Variants in EXOC6B observed in about 807,000 individuals in gnomAD.
EXOC6B encodes SEC15 homolog B.
EXOC6B carries 54 observed loss-of-function variants against 113.5 expected under a neutral mutation model. The observed-to-expected ratio is 0.48, with a 90% CI of 0.38 to 0.60. EXOC6B has a LOEUF of 0.60. EXOC6B is among the 20% of genes least tolerant of loss of function. EXOC6B has a pLI of 0.00. For missense variants in EXOC6B, 797 were observed against 977.5 expected (o/e 0.82, Z 2.46); for synonymous variants, 357 against 339.0 (o/e 1.05, Z -0.58).
intron 1 of EXOC6B, among the ~76,000 whole-genome samples, chr2:72,758,262 A>G (rs1682558222): frequency 6.6e-6 from 1 of 152,050 alleles, no homozygotes; most frequent in South Asian, 2.1e-4. Context: ...TTCCACTGCA[A>G]CTACAGAACC....
chr2:72,518,150 C>T (rs1051557109), intron 8 of EXOC6B, among the ~76,000 whole-genome samples: 1 of 152,184 alleles, frequency 6.6e-6, no homozygotes, highest in Non-Finnish European at 1.5e-5. Flanking sequence ...AGATGAGCTA[C>T]AGAGGTTTCA....
chr2:72,291,904 G>A (rs1685818410), intron 20 of EXOC6B, among the ~76,000 whole-genome samples: 1 of 152,090 alleles, frequency 6.6e-6, no homozygotes, highest in Admixed American at 6.5e-5. Flanking sequence ...AGTCTAAAAC[G>A]GATGGTTAAT....
At chr2:72,217,227 G>C (rs1443302736) in intron 20 of EXOC6B, among the ~76,000 whole-genome samples, 1 of 152,006 alleles carries the variant, frequency 6.6e-6, no homozygotes, top group African/African-American at 2.4e-5. Context: ...TCACAGGTCA[G>C]GAGAAGTTGG....
chr2:72,453,164 T>C (rs1697008700), intron 18 of EXOC6B, among the ~76,000 whole-genome samples: 1 of 152,170 alleles, frequency 6.6e-6, no homozygotes, highest in South Asian at 2.1e-4. Flanking sequence ...TCTTAAGCAA[T>C]GATTTAACCT....
chr2:72,676,113 A>T lies in EXOC6B; in HGVS notation c.669+41990T>A, dbSNP rs374815049. On this transcript the variant is annotated intron_variant, in intron 6 of 21. Coordinates refer to ENST00000272427, the MANE Select transcript of EXOC6B (RefSeq NM_015189.3). ...CAGGCTCTGAACTAATATGTGTACA[A>T]TTCATTCTAGTTTAAAAAAAAAAAA... Among the ~76,000 whole-genome samples, 23 of 151,298 alleles carry T rather than the reference A, an allele frequency of 1.5e-4. 2 individuals carry two copies. Among genetic ancestry groups the T allele is most frequent in the African/African-American group, 4.6e-4 (19 of 40,958 alleles).
intron 20 of EXOC6B, among the ~76,000 whole-genome samples, chr2:72,209,906 G>T (rs1461082238): frequency 6.6e-6 from 1 of 152,080 alleles, no homozygotes; most frequent in Non-Finnish European, 1.5e-5. Flanking sequence ...AAAATTAATG[G>T]TATTTAAATT....
chr2:72,548,283 T>A (rs1057134189), intron 8 of EXOC6B, among the ~76,000 whole-genome samples: 10 of 152,158 alleles, frequency 6.6e-5, no homozygotes, highest in Non-Finnish European at 1.3e-4. Flanking sequence ...CCTGTTACAA[T>A]ACATGAACTC....
intron 18 of EXOC6B, among the ~76,000 whole-genome samples, chr2:72,456,013 G>C (rs1303720314): frequency 6.6e-6 from 1 of 152,042 alleles, no homozygotes; most frequent in Non-Finnish European, 1.5e-5. Context: ...TCTGACCTCT[G>C]GGCAAGACCC....
Position 72,334,948 on chromosome 2 carries a change from T to C in EXOC6B, c.2195A>G (p.Gln732Arg). Reference protein sequence around the residue: ...TLQLAFIDLRQLLDLFIQWDW... With the variant: ...TLQLAFIDLRRLLDLFIQWDW... ...AAAAACAAAAACACAAAGACTTACTTGTCTCAAGTCGATGAAGGCCAACTG... is the reference window on the plus strand; with the variant it reads ...AAAAACAAAAACACAAAGACTTACTCGTCTCAAGTCGATGAAGGCCAACTG... The change falls in exon 20 of 22, where the codon CAA (glutamine) becomes CGA (arginine). Residue 732 changes from glutamine (Q) to arginine (R), a missense_variant and splice_region_variant. Transcript: ENST00000272427. 3.7e-6 allele frequency: 6 copies of C among 1,613,196 alleles called. No homozygotes were observed. Among genetic ancestry groups the C allele is most frequent in the Non-Finnish European group, 5.1e-6 (6 of 1,179,404 alleles).
chr2:72,410,007 G>A (rs78044017), intron 18 of EXOC6B, among the ~76,000 whole-genome samples: 108 of 152,290 alleles, frequency 7.1e-4, no homozygotes, highest in Non-Finnish European at 1.2e-3. Flanking sequence ...AGGGACAAGC[G>A]CAAGTAAAAA....
At chr2:72,255,274 A>G in intron 20 of EXOC6B, among the ~76,000 whole-genome samples, 1 of 152,242 alleles carries the variant, frequency 6.6e-6, no homozygotes, top group East Asian at 1.9e-4. Flanking sequence ...CCAGCTTAGA[A>G]TAAAGGGAAT....
At chr2:72,610,289 T>C (rs921111417) in intron 6 of EXOC6B, among the ~76,000 whole-genome samples, 1 of 152,186 alleles carries the variant, frequency 6.6e-6, no homozygotes, top group African/African-American at 2.4e-5. Flanking sequence ...CTTTGCGCTA[T>C]CCATTGAAGA....
intron 6 of EXOC6B, among the ~76,000 whole-genome samples, chr2:72,691,651 T>G (rs150713721): frequency 6.6e-6 from 1 of 151,828 alleles, no homozygotes; most frequent in African/African-American, 2.4e-5. Flanking sequence ...TAGCAGGGCT[T>G]CTCTGGGATC....
chr2:72,207,641 T>A (rs531623584), intron 20 of EXOC6B, among the ~76,000 whole-genome samples: 2 of 152,318 alleles, frequency 1.3e-5, no homozygotes, highest in African/African-American at 4.8e-5. Context: ...AATAAACTGC[T>A]TTCCAGAATA....
At chr2:72,403,787 G>C (rs1478464222) in intron 18 of EXOC6B, among the ~76,000 whole-genome samples, 1 of 152,138 alleles carries the variant, frequency 6.6e-6, no homozygotes, top group Non-Finnish European at 1.5e-5. Context: ...CGTGAGCGAC[G>C]CATAAGACTG....
At chr2:72,585,451 G>T (rs1705499034) in intron 6 of EXOC6B, among the ~76,000 whole-genome samples, 1 of 151,834 alleles carries the variant, frequency 6.6e-6, no homozygotes, top group African/African-American at 2.4e-5. Context: ...TACAAAATCT[G>T]CCAGGCATGG....
intron 18 of EXOC6B, among the ~76,000 whole-genome samples, chr2:72,399,286 C>G (rs1446238144): frequency 6.6e-6 from 1 of 152,058 alleles, no homozygotes; most frequent in African/African-American, 2.4e-5. Context: ...TACAACAAAC[C>G]CACAGCCAAC....
intron 19 of EXOC6B, among the ~76,000 whole-genome samples, chr2:72,370,050 G>GAACT (rs994604811): frequency 2.6e-5 from 4 of 151,980 alleles, no homozygotes; most frequent in African/African-American, 9.7e-5. Context: ...ACAGCAAAAG[G>GAACT]AACTAACATC....
intron 20 of EXOC6B, among the ~76,000 whole-genome samples, chr2:72,195,202 T>C (rs1679093623): frequency 6.6e-6 from 1 of 152,124 alleles, no homozygotes. Context: ...TACCAGCTGG[T>C]GCCTAGAGGA....
Sources: allele counts gnomAD v4.1 joint callset (sites outside exome capture counted in the v4.1 genomes callset), GRCh38; gene constraint gnomAD v4.1.1; transcripts MANE v1.5; gene names NCBI Gene and HGNC (gene_info 2026-07-23, HGNC 2026-07-21).